The following IMMP2L variants were observed in gnomAD, a reference collection of about 807,000 sequenced individuals.
The protein encoded by IMMP2L is inner mitochondrial membrane peptidase subunit 2, also known as mitochondrial inner membrane protease subunit 2.
Under a neutral mutation model 19.3 loss-of-function variants are expected in IMMP2L, and 18 were observed. The observed-to-expected ratio is 0.93, with a 90% CI of 0.64 to 1.38. The LOEUF (loss-of-function observed/expected upper bound fraction) is 1.38. IMMP2L is among the 40% of genes most tolerant of loss of function. The pLI is 0.00. For missense variants in IMMP2L, 233 were observed against 218.2 expected, an observed-to-expected ratio of 1.07 and a Z score of -0.43; for synonymous variants, 76 against 73.0, an observed-to-expected ratio of 1.04 and a Z score of -0.21.
At chr7:111,216,501 C>A (rs1028725231) in intron 3 of IMMP2L, among the ~76,000 whole-genome samples, 44 of 152,254 alleles carry the variant, frequency 2.9e-4, no homozygotes, top group African/African-American at 1.1e-3. Context: ...CTTGTTAACA[C>A]ATCCATCACC....
At chr7:110,860,584 G>A (rs1807295330) in intron 5 of IMMP2L, among the ~76,000 whole-genome samples, 1 of 151,972 alleles carries the variant, frequency 6.6e-6, no homozygotes, top group Admixed American at 6.6e-5. Context: ...CAGAATCTTG[G>A]CCTTGAGATT....
At chr7:111,448,238 A>C (rs1838728789) in intron 3 of IMMP2L, among the ~76,000 whole-genome samples, 1 of 120,472 alleles carries the variant, frequency 8.3e-6, no homozygotes, top group Non-Finnish European at 1.6e-5. Context: ...TCTCCACCCC[A>C]AATCAACAGA....
chr7:111,374,694 C>G (rs545229647), intron 3 of IMMP2L, among the ~76,000 whole-genome samples: 1 of 152,198 alleles, frequency 6.6e-6, no homozygotes, highest in East Asian at 1.9e-4. Context: ...GGCCTTAAAT[C>G]AAAAGCTAAT....
At chr7:111,156,780 T>C (rs2129604708) in intron 3 of IMMP2L, among the ~76,000 whole-genome samples, 1 of 152,114 alleles carries the variant, frequency 6.6e-6, no homozygotes, top group Non-Finnish European at 1.5e-5. Flanking sequence ...AGACCTTGTA[T>C]CTAGTATTTC....
At chr7:111,019,894 G>T (rs555590546) in intron 3 of IMMP2L, among the ~76,000 whole-genome samples, 1 of 152,094 alleles carries the variant, frequency 6.6e-6, no homozygotes, top group South Asian at 2.1e-4. Flanking sequence ...CCATTTTTCT[G>T]GAATACAGTA....
chr7:110,950,841 CAT>C (rs34797718), intron 4 of IMMP2L, among the ~76,000 whole-genome samples: 2,257 of 100,528 alleles, frequency 0.022, 45 homozygotes, highest in South Asian at 0.11. Context: ...CAAAATGTGG[CAT>C]ATATATATAT....
chr7:110,902,588 A>T (rs1812000253), intron 4 of IMMP2L, among the ~76,000 whole-genome samples: 1 of 151,236 alleles, frequency 6.6e-6, no homozygotes, highest in African/African-American at 2.4e-5. Context: ...CGTAGGTTGT[A>T]GGTTGGGGAT....
At chr7:111,272,469 T>A (rs1818570419) in intron 3 of IMMP2L, among the ~76,000 whole-genome samples, 1 of 152,204 alleles carries the variant, frequency 6.6e-6, no homozygotes, top group Non-Finnish European at 1.5e-5. Context: ...GAAAATTACT[T>A]GGTCATACTA....
intron 3 of IMMP2L, among the ~76,000 whole-genome samples, chr7:110,997,957 A>G (rs1823218286): frequency 6.6e-6 from 1 of 152,178 alleles, no homozygotes; most frequent in Non-Finnish European, 1.5e-5. Flanking sequence ...TAGAAATAGA[A>G]CATGGAAGCT....
At position 110,943,976 on chromosome 7, in the gene IMMP2L, G is replaced by A. The variant is rs981409754; in HGVS notation, c.305+19524C>T. ...GAGAGTTTACATTTTTAAAGATAAG[G>A]AGTTGGGATTGGTACTAATTGGACT... On this transcript the variant is annotated intron_variant, in intron 4 of 5. Transcript: ENST00000405709. 2.6e-5 allele frequency among the ~76,000 whole-genome samples: 4 copies of A among 151,932 alleles called. No individual in the cohort carries two copies. In the South Asian group the frequency reaches 8.3e-4, roughly 32 times the overall value.
chr7:111,004,591 GA>G (rs1287169709), intron 3 of IMMP2L, among the ~76,000 whole-genome samples: 3 of 143,264 alleles, frequency 2.1e-5, no homozygotes, highest in African/African-American at 7.9e-5. Flanking sequence ...ATCTTCTGAT[GA>G]GAAACTCAAC....
intron 3 of IMMP2L, among the ~76,000 whole-genome samples, chr7:111,249,074 G>C (rs943966534): frequency 1.8e-5 from 1 of 55,292 alleles, no homozygotes; most frequent in African/African-American, 9.0e-5. Flanking sequence ...CGGCTGCTTT[G>C]TTTACCTAAG....
rs117692564 is a variant in IMMP2L, at chr7:111,100,213, T to C, written c.240-136648A>G. On this transcript the variant is annotated intron_variant, in intron 3 of 5. Coordinates refer to ENST00000405709, the MANE Select transcript of IMMP2L (RefSeq NM_032549.4). ...AATTATTTAGAGGTGATTTCTGAGATTTTGGTGCACCCATCACCCAAGCAG... is the reference window on the plus strand; with the variant it reads ...AATTATTTAGAGGTGATTTCTGAGACTTTGGTGCACCCATCACCCAAGCAG... Among the ~76,000 whole-genome samples the C allele has an allele frequency of 5.2e-3, 784 of 151,642 alleles. 5 individuals carry two copies. The highest frequency in any genetic ancestry group is 8.6e-3 in the Admixed American group (131 of 15,156).
chr7:111,372,877 T>C (rs775078753), intron 3 of IMMP2L, among the ~76,000 whole-genome samples: 1 of 152,054 alleles, frequency 6.6e-6, no homozygotes, highest in Non-Finnish European at 1.5e-5. Context: ...CTGTAGATCA[T>C]TGATCATGTT....
At chr7:110,889,295 C>T (rs2129545834) in intron 4 of IMMP2L, among the ~76,000 whole-genome samples, 1 of 152,244 alleles carries the variant, frequency 6.6e-6, no homozygotes, top group East Asian at 1.9e-4. Context: ...ATCAATTATA[C>T]AACTCACTAT....
intron 5 of IMMP2L, among the ~76,000 whole-genome samples, chr7:110,880,100 G>A (rs995929758): frequency 6.6e-6 from 1 of 151,950 alleles, no homozygotes; most frequent in Admixed American, 6.6e-5. Context: ...TGATTCTGAT[G>A]GCTATAGTAA....
intron 3 of IMMP2L, among the ~76,000 whole-genome samples, chr7:111,044,034 G>A (rs1440075646): frequency 6.6e-6 from 1 of 152,172 alleles, no homozygotes; most frequent in East Asian, 1.9e-4. Context: ...TGTCATTTCA[G>A]TATCAATCAA....
intron 5 of IMMP2L, among the ~76,000 whole-genome samples, chr7:110,735,932 G>A (rs1360525787): frequency 6.7e-6 from 1 of 150,080 alleles, no homozygotes; most frequent in Non-Finnish European, 1.5e-5. Flanking sequence ...TCTCATCATA[G>A]GCCCAAACTG....
chr7:111,357,486 A>G (rs900537094), intron 3 of IMMP2L, among the ~76,000 whole-genome samples: 5 of 152,166 alleles, frequency 3.3e-5, no homozygotes, highest in African/African-American at 9.6e-5. Context: ...AAACCATGCT[A>G]ATTTACATAG....
Sources: gnomAD v4.1 joint callset for allele counts (sites outside exome capture counted in the v4.1 genomes callset) on GRCh38, gnomAD v4.1.1 for gene constraint, MANE v1.5 for transcripts, NCBI Gene and HGNC (gene_info 2026-07-23, HGNC 2026-07-21) for gene names.